ASH1L: variants seen among roughly 807,000 people sequenced by gnomAD.
ASH1L encodes the protein ASH1 like histone lysine methyltransferase.
Under a neutral mutation model 269.0 loss-of-function variants are expected in ASH1L, and 23 were observed. The observed-to-expected ratio is 0.09, with a 90% CI of 0.06 to 0.12. The LOEUF is 0.12. ASH1L is among the 10% of genes least tolerant of loss of function. The pLI is 1.00. For missense variants in ASH1L, 2,912 were observed against 3,567.8 expected, an observed-to-expected ratio of 0.82 and a Z score of 4.68; for synonymous variants, 1,187 against 1,253.5, an observed-to-expected ratio of 0.95 and a Z score of 1.12.
rs1421112018 is a variant in ASH1L, at chr1:155,335,319, A to T, written c.*2341T>A. 1.3e-5 allele frequency: 2 copies of T among 152,932 alleles called. No individual in the cohort carries two copies. The highest frequency in any genetic ancestry group is 3.8e-4 in the East Asian group (2 of 5,330). The allele number at this position is 152,932 out of a possible 1,614,324, so 9.5% of individuals were successfully genotyped here. On this transcript the variant is annotated 3_prime_UTR_variant, in exon 28 of 28. Transcript: ENST00000392403. ...CTAGACTTTCAAGGATTGAGATGCA[A>T]GCTTTGTATGCAATTACATCCAATG...
chr1:155,472,675 G>C (rs1253429965), intron 3 of ASH1L, among the ~76,000 whole-genome samples: 1 of 152,148 alleles, frequency 6.6e-6, no homozygotes, highest in Non-Finnish European at 1.5e-5. Context: ...CAATGAAAAA[G>C]GGCCTGCCAA....
chr1:155,446,821 C>T (rs892329199), intron 4 of ASH1L, among the ~76,000 whole-genome samples: 1 of 150,310 alleles, frequency 6.7e-6, no homozygotes, highest in Non-Finnish European at 1.5e-5. Context: ...GACGGGGTTT[C>T]ATCGTGATCC....
intron 3 of ASH1L, among the ~76,000 whole-genome samples, chr1:155,467,333 A>G (rs1164653866): frequency 6.6e-6 from 1 of 152,202 alleles, no homozygotes; most frequent in African/African-American, 2.4e-5. Flanking sequence ...TAGAATCACT[A>G]TCAGGATTGG....
At position 155,482,102 on chromosome 1, in the gene ASH1L, T is replaced by A. The variant is rs1665999063; in HGVS notation, c.768A>T (p.Lys256Asn). Reference protein sequence around the residue: ...AGLVSKDLIRKAGVGSVAGII... With the variant: ...AGLVSKDLIRNAGVGSVAGII... ...TTCCAGCTACAGAGCCAACACCTGCTTTCCTGATCAAATCCTTGCTAACCA... is the reference window on the plus strand; with the variant it reads ...TTCCAGCTACAGAGCCAACACCTGCATTCCTGATCAAATCCTTGCTAACCA... The change falls in exon 3 of 28, where the codon AAA (lysine) becomes AAT (asparagine). Residue 256 changes from lysine (K) to asparagine (N), a missense_variant. This residue lies in a region of ASH1L where 277 missense variants were observed against 367.7 expected (regional missense o/e 0.75). Coordinates refer to ENST00000392403, the MANE Select transcript of ASH1L (RefSeq NM_018489.3). 4 of 1,614,138 alleles carry A rather than the reference T, an allele frequency of 2.5e-6. No homozygotes were observed. The highest frequency in any genetic ancestry group is 3.4e-6 in the Non-Finnish European group (4 of 1,179,994).
At position 155,562,735 on chromosome 1, in the gene ASH1L, T is replaced by A; in HGVS notation, c.-682A>T. On this transcript the variant is annotated 5_prime_UTR_variant, in exon 1 of 28. Transcript: ENST00000392403. ...CCCTCGTCCAGTCCCTCACTACCCC[T>A]CAGGCCCTGTCAAGCCGGCGCCGGC... is the stretch of plus-strand genomic sequence containing the variant. 1 of 1,294,726 alleles carries A rather than the reference T, an allele frequency of 7.7e-7. No homozygotes were observed. Among genetic ancestry groups the A allele is most frequent in the Non-Finnish European group, 1.1e-6 (1 of 937,928 alleles). 80.2% of individuals were successfully genotyped at this position (1,294,726 alleles called of 1,614,324 possible). A position where few individuals can be genotyped will look rare whatever the true frequency, so the allele number is the denominator to read the frequency against.
chr1:155,406,878 T>A (rs1185033909), intron 6 of ASH1L, among the ~76,000 whole-genome samples: 2 of 151,752 alleles, frequency 1.3e-5, no homozygotes, highest in Non-Finnish European at 2.9e-5. Flanking sequence ...GATAAAGAAC[T>A]CTTAAAAATC....
At chr1:155,358,738 G>T (rs1351850362) in intron 13 of ASH1L, 1 of 151,340 alleles carries the variant, frequency 6.6e-6, no homozygotes, top group Non-Finnish European at 1.5e-5. Flanking sequence ...TCAGTAATCT[G>T]TTTGTCATCC....
intron 1 of ASH1L, among the ~76,000 whole-genome samples, chr1:155,528,035 T>C (rs898846799): frequency 2.0e-5 from 3 of 152,312 alleles, no homozygotes; most frequent in Admixed American, 2.0e-4. Context: ...TCATCTAACA[T>C]TGATGATTCA....
chr1:155,506,596 C>A (rs1667831926), intron 2 of ASH1L, among the ~76,000 whole-genome samples: 1 of 151,874 alleles, frequency 6.6e-6, no homozygotes, highest in Non-Finnish European at 1.5e-5. Flanking sequence ...ACCTGGGAGG[C>A]TGAGGTGGGA....
chr1:155,485,307 TTTTTTA>T (rs1263397593), intron 2 of ASH1L, among the ~76,000 whole-genome samples: 29 of 151,904 alleles, frequency 1.9e-4, no homozygotes, highest in Middle Eastern at 3.4e-3. Context: ...TACCTCTCTA[TTTTTTA>T]TTTTTATTTT....
At chr1:155,498,278 G>A (rs1467247787) in intron 2 of ASH1L, among the ~76,000 whole-genome samples, 2 of 151,740 alleles carry the variant, frequency 1.3e-5, no homozygotes, top group African/African-American at 2.4e-5. Context: ...TTCAGTTGCA[G>A]AAGATTAAAA....
chr1:155,478,023 A>G lies in ASH1L; in HGVS notation c.4847T>C (p.Val1616Ala). ...CCGGCCACTGGAGTTAGGGTTTGAA[A>G]CTCTGCAGCTGCCTATTGCACTTGT... ...LFTSAIGSCR[V>A]SNPNSSGRKK... The change falls in exon 3 of 28, where the codon GTT (valine) becomes GCT (alanine). Residue 1616 changes from valine to alanine, a missense_variant. Around this residue, in one of 13 missense-constraint regions of ASH1L, gnomAD observed 789 missense variants for 897.6 expected, o/e 0.88. Transcript: ENST00000392403. The surrounding 1 kb of genome is among the most constrained non-coding windows in gnomAD (Gnocchi z 4.6). The G allele has an allele frequency of 1.2e-6, 2 of 1,614,038 alleles. No individual in the cohort carries two copies. Among genetic ancestry groups the G allele is most frequent in the South Asian group, 2.2e-5 (2 of 91,054 alleles).
At chr1:155,376,067 G>A (rs1243597350) in intron 10 of ASH1L, among the ~76,000 whole-genome samples, 2 of 152,228 alleles carry the variant, frequency 1.3e-5, no homozygotes, top group Non-Finnish European at 2.9e-5. Flanking sequence ...TGGCGACACT[G>A]CACTCCAGCC....
At chr1:155,490,614 T>TCTCA (rs1553267799) in intron 2 of ASH1L, among the ~76,000 whole-genome samples, 1 of 142,310 alleles carries the variant, frequency 7.0e-6, no homozygotes, top group Non-Finnish European at 1.5e-5. Context: ...CCAGACTACG[T>TCTCA]CACACACACA....
Position 155,481,776 on chromosome 1 carries a change from A to G in ASH1L, c.1094T>C (p.Val365Ala). ...SGKKLGLGTV[V>A]GLVNKDLGKK... ...TCCCAAATCTTTATTAACCAGTCCA[A>G]CCACAGTGCCAAGTCCTAACTTCTT... The change falls in exon 3 of 28, where the codon GTT (valine) becomes GCT (alanine). Residue 365 changes from valine to alanine, a missense_variant. By Grantham distance (64) the Val-to-Ala change is moderately conservative (BLOSUM62 0). Transcript: ENST00000392403. 6.2e-7 allele frequency: 1 copy of G among 1,614,182 alleles called. No individual in the cohort carries two copies. The highest frequency in any genetic ancestry group is 8.5e-7 in the Non-Finnish European group (1 of 1,180,012).
intron 5 of ASH1L, among the ~76,000 whole-genome samples, chr1:155,418,207 G>T (rs1460206213): frequency 6.6e-6 from 1 of 152,022 alleles, no homozygotes; most frequent in East Asian, 1.9e-4. Context: ...AACAGAAATA[G>T]AAATCACAAA....
chr1:155,539,647 T>C (rs1670290028), intron 1 of ASH1L, among the ~76,000 whole-genome samples: 1 of 152,006 alleles, frequency 6.6e-6, no homozygotes. Flanking sequence ...AGCATCTTGC[T>C]ATGTTGCCCA....
At position 155,336,562 on chromosome 1, in the gene ASH1L, T is replaced by C. The variant is rs1473776682; in HGVS notation, c.*1098A>G. Reference sequence around the variant, plus strand: ...GTCTGTTAACTTCTGGTCAAGAGAGTAGGAAGGAAGGAGACACCCTGGATA... The same window carrying C: ...GTCTGTTAACTTCTGGTCAAGAGAGCAGGAAGGAAGGAGACACCCTGGATA... On this transcript the variant is annotated 3_prime_UTR_variant, in exon 28 of 28. Coordinates refer to ENST00000392403, the MANE Select transcript of ASH1L (RefSeq NM_018489.3). The C allele has an allele frequency of 6.6e-6, 1 of 152,110 alleles. No homozygotes were observed. Among genetic ancestry groups the C allele is most frequent in the Non-Finnish European group, 1.5e-5 (1 of 67,880 alleles). The allele number at this position is 152,110 out of a possible 1,614,324, so 9.4% of individuals were successfully genotyped here. A position where few individuals can be genotyped will look rare whatever the true frequency, so the allele number is the denominator to read the frequency against.
At chr1:155,360,669 C>T (rs1475545962) in intron 12 of ASH1L, among the ~76,000 whole-genome samples, 2 of 152,012 alleles carry the variant, frequency 1.3e-5, no homozygotes, top group African/African-American at 4.8e-5. Flanking sequence ...GTCTTGAACT[C>T]CTGACCTCAG....
Sources: gnomAD v4.1 joint callset for allele counts (sites outside exome capture counted in the v4.1 genomes callset) on GRCh38, gnomAD v4.1.1 for gene constraint, gnomAD v4.1.1 regional missense constraint, Gnocchi (gnomAD v3.1) non-coding constraint, MANE v1.5 for transcripts, NCBI Gene and HGNC (gene_info 2026-07-23, HGNC 2026-07-21) for gene names.